SYN3: variants seen among roughly 807,000 people sequenced by gnomAD.
SYN3 encodes the protein synapsin-3.
In SYN3, 35 loss-of-function variants were observed where a neutral mutation model predicts 65.8. The ratio of observed to expected loss-of-function variants is 0.53; its 90% confidence interval spans 0.41 to 0.70. SYN3 has a LOEUF of 0.70. Among genes scored for constraint, SYN3 ranks in the 30% least tolerant of loss-of-function variants. The pLI is 0.00. For missense variants in SYN3, 680 were observed against 749.0 expected (o/e 0.91, Z 1.08); for synonymous variants, 270 against 292.9 (o/e 0.92, Z 0.80).
chr22:32,752,890 G>A (rs2045174113), intron 6 of SYN3, among the ~76,000 whole-genome samples: 1 of 152,182 alleles, frequency 6.6e-6, no homozygotes. Flanking sequence ...GTGGGAAGCA[G>A]AGAAATGGAG....
chr22:32,912,570 A>G (rs1453686507), intron 4 of SYN3, among the ~76,000 whole-genome samples: 1 of 151,956 alleles, frequency 6.6e-6, no homozygotes, highest in Non-Finnish European at 1.5e-5. Context: ...AATAATAATA[A>G]ATTAGCCAGG....
intron 6 of SYN3, among the ~76,000 whole-genome samples, chr22:32,730,561 T>G (rs1177251793): frequency 6.6e-6 from 1 of 152,218 alleles, no homozygotes; most frequent in African/African-American, 2.4e-5. Flanking sequence ...TACTTAAGGT[T>G]CTCATCTCAC....
chr22:32,782,230 G>C (rs920902026), intron 6 of SYN3, among the ~76,000 whole-genome samples: 6 of 151,418 alleles, frequency 4.0e-5, no homozygotes, highest in African/African-American at 1.5e-4. Flanking sequence ...CACCACGCTC[G>C]GCTAATTTTG....
At chr22:32,555,174 G>A (rs1195764537) in intron 7 of SYN3, among the ~76,000 whole-genome samples, 2 of 152,174 alleles carry the variant, frequency 1.3e-5, no homozygotes, top group African/African-American at 4.8e-5. Flanking sequence ...AAAAAAGGAG[G>A]TGCAATAGCC....
At chr22:32,521,672 T>A (rs2057886408) in intron 12 of SYN3, among the ~76,000 whole-genome samples, 1 of 152,064 alleles carries the variant, frequency 6.6e-6, no homozygotes. Flanking sequence ...GGTCTCGAAC[T>A]CCTGACCTTG....
chr22:32,555,654 C>T (rs546662643), intron 7 of SYN3, among the ~76,000 whole-genome samples: 1 of 152,320 alleles, frequency 6.6e-6, no homozygotes, highest in Non-Finnish European at 1.5e-5. Flanking sequence ...AGAACAGTCA[C>T]TCTGTGGCCT....
Position 32,974,664 on chromosome 22 carries a change from A to G in SYN3, c.369+5981T>C, listed in dbSNP as rs563944714. On this transcript the variant is annotated intron_variant, in intron 3 of 13. Coordinates refer to ENST00000358763, the MANE Select transcript of SYN3 (RefSeq NM_003490.4). ...TAGCATTGTGTGTGTGTGTGTGTGC[A>G]TGTAAGAGGGAGTGTATGAACTATC... is the stretch of plus-strand genomic sequence containing the variant. Among the ~76,000 whole-genome samples, 468 of 151,878 alleles carry G rather than the reference A, an allele frequency of 3.1e-3. 3 individuals carry two copies. Among genetic ancestry groups the G allele is most frequent in the African/African-American group, 0.011 (453 of 41,492 alleles).
At chr22:32,972,160 T>C (rs984300158) in intron 3 of SYN3, among the ~76,000 whole-genome samples, 5 of 152,202 alleles carry the variant, frequency 3.3e-5, no homozygotes, top group African/African-American at 1.2e-4. Context: ...TGCAATGCTT[T>C]TGGAACAAGT....
intron 2 of SYN3, among the ~76,000 whole-genome samples, chr22:32,980,999 T>A (rs5998684): frequency 6.6e-6 from 1 of 151,406 alleles, no homozygotes; most frequent in Non-Finnish European, 1.5e-5. Context: ...GGATTACAGG[T>A]GCCTGCCATC....
chr22:32,879,348 G>A (rs952798768), intron 4 of SYN3, among the ~76,000 whole-genome samples: 1 of 152,214 alleles, frequency 6.6e-6, no homozygotes, highest in African/African-American at 2.4e-5. Context: ...ACTTGGAGTT[G>A]CTACAGCAAA....
At chr22:32,857,996 T>C (rs1372684747) in intron 6 of SYN3, 1 of 1,613,980 alleles carries the variant, frequency 6.2e-7, no homozygotes, top group Non-Finnish European at 8.5e-7. Context: ...CCTCTCCTTG[T>C]TTTCTTCTTT....
Position 32,509,159 on chromosome 22 carries a change from G to A in SYN3, c.*4533C>T, listed in dbSNP as rs924882794. 2.6e-5 allele frequency among the ~76,000 whole-genome samples: 4 copies of A among 152,176 alleles called. No individual in the cohort carries two copies. Among genetic ancestry groups the A allele is most frequent in the Non-Finnish European group, 4.4e-5 (3 of 68,030 alleles). On this transcript the variant is annotated 3_prime_UTR_variant, in exon 14 of 14. Coordinates refer to ENST00000358763, the MANE Select transcript of SYN3 (RefSeq NM_003490.4). ...CCAAAGTACGGTACCATTTTATCGC[G>A]CTGACGGGAGGAAGATCTGGAAGAA...
At chr22:32,985,405 C>T (rs1238716351) in intron 2 of SYN3, among the ~76,000 whole-genome samples, 1 of 152,182 alleles carries the variant, frequency 6.6e-6, no homozygotes, top group Non-Finnish European at 1.5e-5. Context: ...ATCTGTCTCA[C>T]AGGTGCAAGG....
intron 2 of SYN3, among the ~76,000 whole-genome samples, chr22:32,981,707 CCTAAT>C (rs1362875938): frequency 6.6e-6 from 1 of 152,058 alleles, no homozygotes; most frequent in African/African-American, 2.4e-5. Context: ...TGCTGACTAT[CCTAAT>C]CTAATCATTA....
intron 3 of SYN3, among the ~76,000 whole-genome samples, chr22:32,952,299 G>T (rs35107288): frequency 0.19 from 29,148 of 150,358 alleles, 3,382 homozygotes; most frequent in Non-Finnish European, 0.26. Flanking sequence ...TGTGTGGGGG[G>T]GTGTGTGTGT....
At chr22:32,657,437 T>C (rs1400201879) in intron 6 of SYN3, among the ~76,000 whole-genome samples, 1 of 152,154 alleles carries the variant, frequency 6.6e-6, no homozygotes, top group Non-Finnish European at 1.5e-5. Flanking sequence ...CCACCCTCAC[T>C]TCTTGTCTGA....
rs1224922765 is a variant in SYN3, at chr22:32,509,365, T to C, written c.*4327A>G. On this transcript the variant is annotated 3_prime_UTR_variant, in exon 14 of 14. Coordinates refer to ENST00000358763, the MANE Select transcript of SYN3 (RefSeq NM_003490.4). ...AGCAAGAAAAACAACAAACATAACA[T>C]TTTAGAGTCTATACAGCATGACTCC... 6.6e-6 allele frequency among the ~76,000 whole-genome samples: 1 copy of C among 152,158 alleles called. No individual in the cohort carries two copies. Among genetic ancestry groups the C allele is most frequent in the Non-Finnish European group, 1.5e-5 (1 of 68,030 alleles).
chr22:32,798,328 A>C (rs2145911622), intron 6 of SYN3, among the ~76,000 whole-genome samples: 2 of 152,266 alleles, frequency 1.3e-5, no homozygotes, highest in Middle Eastern at 6.8e-3. Context: ...TTCCAAGCCC[A>C]CAGTACAAGC....
At chr22:32,678,964 A>G (rs1288468030) in intron 6 of SYN3, among the ~76,000 whole-genome samples, 1 of 151,986 alleles carries the variant, frequency 6.6e-6, no homozygotes, top group African/African-American at 2.4e-5. Flanking sequence ...TGTTGTAACA[A>G]ATATCAGGAT....
Sources: gnomAD v4.1 joint callset for allele counts (sites outside exome capture counted in the v4.1 genomes callset) on GRCh38, gnomAD v4.1.1 for gene constraint, MANE v1.5 for transcripts, NCBI Gene and HGNC (gene_info 2026-07-23, HGNC 2026-07-21) for gene names.